Variants in TULP4 observed in about 807,000 individuals in gnomAD.
TULP4 encodes tubby-related protein 4.
A neutral mutation model predicts 129.0 loss-of-function variants in TULP4; 16 were observed. The observed-to-expected ratio is 0.12, with a 90% CI of 0.08 to 0.19. The LOEUF (loss-of-function observed/expected upper bound fraction) is 0.19. TULP4 is among the 10% of genes least tolerant of loss of function. TULP4 has a pLI of 1.00. For synonymous variants in TULP4, 998 were observed against 854.0 expected, an observed-to-expected ratio of 1.17 and a Z score of -2.94; for missense variants, 1,842 against 2,059.1, an observed-to-expected ratio of 0.89 and a Z score of 2.04.
At chr6:158,367,078 G>T (rs974362165) in intron 1 of TULP4, among the ~76,000 whole-genome samples, 1 of 151,552 alleles carries the variant, frequency 6.6e-6, no homozygotes, top group Non-Finnish European at 1.5e-5. Flanking sequence ...TCTGAATAAC[G>T]CTTTGGGTCC....
At chr6:158,361,683 A>C (rs1179192168) in intron 1 of TULP4, among the ~76,000 whole-genome samples, 1 of 152,232 alleles carries the variant, frequency 6.6e-6, no homozygotes, top group Non-Finnish European at 1.5e-5. Context: ...ATTGTAAAAG[A>C]CCTGAACTAT....
At chr6:158,382,733 A>G (rs1777356236) in intron 1 of TULP4, among the ~76,000 whole-genome samples, 1 of 152,218 alleles carries the variant, frequency 6.6e-6, no homozygotes, top group Non-Finnish European at 1.5e-5. Flanking sequence ...AACTCAGGGG[A>G]TGAGCCACTT....
In TULP4 at chr6:158,467,459, T is replaced by C. The variant is rs867300918; in HGVS notation, c.1026+5730T>C. Among the ~76,000 whole-genome samples, 6 of 152,102 alleles carry C rather than the reference T, an allele frequency of 3.9e-5. No homozygotes were observed. In the South Asian group the frequency reaches 1.2e-3, roughly 32 times the overall value. On this transcript the variant is annotated intron_variant, in intron 6 of 13. Coordinates refer to ENST00000367097, the MANE Select transcript of TULP4 (RefSeq NM_020245.5). ...CACACCCGGCTAATTTTTTGTACTT[T>C]TTTAGTAGAGATGGGGTTTTACCAT...
At chr6:158,445,404 G>T (rs1392061436) in intron 3 of TULP4, among the ~76,000 whole-genome samples, 1 of 152,154 alleles carries the variant, frequency 6.6e-6, no homozygotes, top group East Asian at 1.9e-4. Context: ...TTATAAAGAA[G>T]AATGGAAGGA....
chr6:158,380,894 C>CAAAAAAAA (rs1227720723), intron 1 of TULP4, among the ~76,000 whole-genome samples: 2,475 of 71,270 alleles, frequency 0.035, 112 homozygotes, highest in Non-Finnish European at 0.04. Flanking sequence ...ACTCTGTCTC[C>CAAAAAAAA]AAAAAAAAAA....
At chr6:158,331,593 G>A (rs1412543581) in intron 1 of TULP4, among the ~76,000 whole-genome samples, 1 of 150,062 alleles carries the variant, frequency 6.7e-6, no homozygotes, top group Admixed American at 6.7e-5. Flanking sequence ...TCTGAGGAAT[G>A]CTGTTTCAAT....
chr6:158,399,450 A>G (rs1777795142), intron 1 of TULP4, among the ~76,000 whole-genome samples: 1 of 152,202 alleles, frequency 6.6e-6, no homozygotes, highest in South Asian at 2.1e-4. Context: ...GTCCTGATTC[A>G]CTGGAACTGG....
In TULP4 at chr6:158,290,100, T is replaced by C. The variant is rs1273667471; in HGVS notation, n.116+7722T>C. Among the ~76,000 whole-genome samples the C allele has an allele frequency of 2.6e-5, 4 of 152,148 alleles. No individual in the cohort carries two copies. In the East Asian group the frequency reaches 7.8e-4, roughly 29 times the overall value. On this transcript the variant is annotated intron_variant and non_coding_transcript_variant, in intron 1 of 1. Coordinates refer to the TULP4 transcript ENST00000432358. ...CATAGGCGCATGCCACCATGCTGGC[T>C]AATTTTAAAATTTTTTGTAGAAACG...
chr6:158,410,833 G>T (rs1054147149), intron 1 of TULP4, among the ~76,000 whole-genome samples: 1 of 152,046 alleles, frequency 6.6e-6, no homozygotes, highest in Non-Finnish European at 1.5e-5. Flanking sequence ...ATGAATCTGG[G>T]TTTGTTGCCC....
intron 1 of TULP4, among the ~76,000 whole-genome samples, chr6:158,243,903 T>C (rs1485199502): frequency 6.6e-6 from 1 of 151,280 alleles, no homozygotes; most frequent in South Asian, 2.1e-4. Context: ...TTCTCCTTTG[T>C]CAATTATTTG....
intron 6 of TULP4, among the ~76,000 whole-genome samples, chr6:158,468,363 AG>A (rs761409992): frequency 6.6e-6 from 1 of 152,228 alleles, no homozygotes; most frequent in Non-Finnish European, 1.5e-5. Context: ...AAATTACCGA[AG>A]TTACACAAAC....
At chr6:158,244,050 C>T (rs866582533) in intron 1 of TULP4, among the ~76,000 whole-genome samples, 2 of 152,150 alleles carry the variant, frequency 1.3e-5, no homozygotes, top group South Asian at 2.1e-4. Flanking sequence ...TAAATTTTTT[C>T]GCATAACATT....
intron 1 of TULP4, among the ~76,000 whole-genome samples, chr6:158,385,519 C>T (rs1777419240): frequency 6.6e-6 from 1 of 152,068 alleles, no homozygotes; most frequent in Admixed American, 6.6e-5. Context: ...CTTTGAACCT[C>T]AGATTCTTCG....
intron 1 of TULP4, among the ~76,000 whole-genome samples, chr6:158,252,419 A>C (rs1778161376): frequency 6.6e-6 from 1 of 151,318 alleles, no homozygotes; most frequent in African/African-American, 2.4e-5. Flanking sequence ...TCTGTCACCC[A>C]GGCTGGAGTG....
chr6:158,342,985 G>A (rs899502683), intron 1 of TULP4, among the ~76,000 whole-genome samples: 6 of 139,212 alleles, frequency 4.3e-5, no homozygotes, highest in African/African-American at 1.3e-4. Context: ...GTGTGTGTGT[G>A]TAGGCACTGC....
chr6:158,296,627 A>G (rs1779038042), intron 1 of TULP4, among the ~76,000 whole-genome samples: 1 of 151,702 alleles, frequency 6.6e-6, no homozygotes, highest in Non-Finnish European at 1.5e-5. Context: ...GGGGGAACCC[A>G]CCCCCAATAT....
At position 158,242,488 on chromosome 6, in the gene TULP4, C is replaced by T. The variant is rs956479210; in HGVS notation, n.68+10185C>T. ...CGGTGTAACACTTATCCATAAAGCT[C>T]CTTCAGTTTGTCTGTCTGCCGGTTG... is the stretch of plus-strand genomic sequence containing the variant. On this transcript the variant is annotated intron_variant and non_coding_transcript_variant, in intron 1 of 1. Coordinates refer to the TULP4 transcript ENST00000620026. The T allele has an allele frequency of 1.5e-5, 12 of 822,864 alleles. No homozygotes were observed. In the African/African-American group the frequency reaches 1.8e-4, roughly 13 times the overall value. The allele number at this position is 822,864 out of a possible 1,614,324, so 51.0% of individuals were successfully genotyped here. A position where few individuals can be genotyped will look rare whatever the true frequency, so the allele number is the denominator to read the frequency against.
chr6:158,454,694 C>T (rs1779253919), intron 5 of TULP4, among the ~76,000 whole-genome samples: 1 of 152,058 alleles, frequency 6.6e-6, no homozygotes, highest in African/African-American at 2.4e-5. Flanking sequence ...AGTCTTCTGC[C>T]TCCCAGTTTC....
chr6:158,394,786 CAAAAAAAAAAA>C (rs71030166), intron 1 of TULP4, among the ~76,000 whole-genome samples: 630 of 46,038 alleles, frequency 0.014, 16 homozygotes, highest in African/African-American at 0.061. Context: ...GGCTCTGTCT[CAAAAAAAAAAA>C]AAAAAAAAAA....
Sources: gnomAD v4.1 joint callset for allele counts (sites outside exome capture counted in the v4.1 genomes callset) on GRCh38, gnomAD v4.1.1 for gene constraint, MANE v1.5 for transcripts, NCBI Gene and HGNC (gene_info 2026-07-23, HGNC 2026-07-21) for gene names.